Variants in NOVA1 observed in about 807,000 individuals in gnomAD.
The protein encoded by NOVA1 is NOVA alternative splicing regulator 1, also known as RNA-binding protein Nova-1.
NOVA1 carries 7 observed loss-of-function variants against 38.0 expected under a neutral mutation model. The ratio of observed to expected loss-of-function variants is 0.18; its 90% CI spans 0.10 to 0.35. The LOEUF (loss-of-function observed/expected upper bound fraction) is 0.35. Ranked by LOEUF, NOVA1 falls within the 10% of genes least tolerant of loss-of-function variation. The pLI is 1.00. For missense variants in NOVA1, 460 were observed against 616.0 expected (o/e 0.75, Z 2.68); for synonymous variants, 270 against 232.5 (o/e 1.16, Z -1.47).
chr14:26,455,041 C>A (rs999235126), intron 4 of NOVA1, among the ~76,000 whole-genome samples: 3 of 152,092 alleles, frequency 2.0e-5, no homozygotes, highest in Admixed American at 6.6e-5. Context: ...AAAATATGTA[C>A]AACAGATTTA....
intron 2 of NOVA1, among the ~76,000 whole-genome samples, chr14:26,557,797 C>A (rs547394737): frequency 6.6e-6 from 1 of 152,096 alleles, no homozygotes; most frequent in African/African-American, 2.4e-5. Flanking sequence ...TATGCCTACA[C>A]GAAAACTTGC....
intron 2 of NOVA1, among the ~76,000 whole-genome samples, chr14:26,554,438 A>AT: frequency 6.6e-6 from 1 of 152,262 alleles, no homozygotes; most frequent in Non-Finnish European, 1.5e-5. Context: ...CCAACACTCT[A>AT]TAATCTCCTA....
intron 1 of NOVA1, 83 bp downstream of exon 1, chr14:26,597,218 G>T: frequency 8.8e-7 from 1 of 1,133,726 alleles, no homozygotes; most frequent in Non-Finnish European, 1.1e-6. Context: ...AGGGAGGGAA[G>T]GAGGGAGGGA....
intron 2 of NOVA1, among the ~76,000 whole-genome samples, chr14:26,518,763 C>T (rs1429299548): frequency 2.6e-5 from 4 of 151,972 alleles, no homozygotes; most frequent in Non-Finnish European, 5.9e-5. Context: ...TTAGTTTCAA[C>T]TTTTATTTTA....
Position 26,448,125 on chromosome 14 carries a change from G to C in NOVA1, c.1358C>G (p.Ala453Gly). 6.2e-7 allele frequency: 1 copy of C among 1,614,138 alleles called. No individual in the cohort carries two copies. The highest frequency in any genetic ancestry group is 8.5e-7 in the Non-Finnish European group (1 of 1,180,014). The part of the protein sequence containing the change: ...TLVEYQELTG[A>G]RIQISKKGEF... ...TCCTTTTTTGGAGATCTGTATCCTT[G>C]CACCAGTCAACTCCTGGTATTCCAC... Residue 453 changes from alanine to glycine, a missense_variant, in exon 5 of 5, where the codon GCA (alanine) becomes GGA (glycine). Transcript: ENST00000539517. This position sits in a 1 kb window ranked among gnomAD's most constrained non-coding sequence, Gnocchi z 5.3.
intron 2 of NOVA1, among the ~76,000 whole-genome samples, chr14:26,527,184 A>G (rs1219271279): frequency 6.6e-6 from 1 of 152,188 alleles, no homozygotes; most frequent in Non-Finnish European, 1.5e-5. Context: ...AAAGTCTGTT[A>G]TATTTTCAAT....
intron 2 of NOVA1, among the ~76,000 whole-genome samples, chr14:26,582,434 C>T (rs1345061913): frequency 6.6e-6 from 1 of 151,716 alleles, no homozygotes; most frequent in Non-Finnish European, 1.5e-5. Context: ...AGCATTCTGT[C>T]ATAAAAGAAC....
intron 4 of NOVA1, among the ~76,000 whole-genome samples, chr14:26,456,677 A>T (rs1883205590): frequency 6.6e-6 from 1 of 151,886 alleles, no homozygotes. Flanking sequence ...GTATTCATCA[A>T]ATTTTGAAAT....
intron 2 of NOVA1, among the ~76,000 whole-genome samples, chr14:26,536,703 T>C (rs1890122729): frequency 6.6e-6 from 1 of 152,100 alleles, no homozygotes; most frequent in Admixed American, 6.6e-5. Context: ...AGAAAAGTTA[T>C]TTTAAGCAAA....
At chr14:26,531,069 T>C (rs192430807) in intron 2 of NOVA1, among the ~76,000 whole-genome samples, 14 of 152,212 alleles carry the variant, frequency 9.2e-5, no homozygotes, top group Admixed American at 2.6e-4. Context: ...TTACAAGGCA[T>C]GTTTTATTTG....
chr14:26,529,382 C>T (rs1237268434), intron 2 of NOVA1, among the ~76,000 whole-genome samples: 1 of 152,092 alleles, frequency 6.6e-6, no homozygotes, highest in Admixed American at 6.5e-5. Flanking sequence ...AGGTGATCTG[C>T]CCACTTCTGT....
chr14:26,522,766 T>C (rs528642330), intron 2 of NOVA1, among the ~76,000 whole-genome samples: 2 of 152,276 alleles, frequency 1.3e-5, no homozygotes, highest in Admixed American at 6.5e-5. Flanking sequence ...CTATTGATAC[T>C]ACTGGTTCAA....
At chr14:26,523,941 C>T (rs1889106354) in intron 2 of NOVA1, among the ~76,000 whole-genome samples, 1 of 151,960 alleles carries the variant, frequency 6.6e-6, no homozygotes, top group Admixed American at 6.6e-5. Flanking sequence ...TTAGTAGTGA[C>T]GGGGTTTCAC....
intron 2 of NOVA1, among the ~76,000 whole-genome samples, chr14:26,489,087 T>C (rs577756970): frequency 3.4e-4 from 51 of 152,138 alleles, no homozygotes; most frequent in Middle Eastern, 6.8e-3. Context: ...GAATCAGAGA[T>C]TGCTTACGAG....
chr14:26,463,076 T>A (rs972025731), intron 4 of NOVA1, among the ~76,000 whole-genome samples: 5 of 152,178 alleles, frequency 3.3e-5, no homozygotes, highest in African/African-American at 1.2e-4. Context: ...GGCTAGTTTA[T>A]GCAGATCTAA....
chr14:26,459,340 T>G (rs958737826), intron 4 of NOVA1, among the ~76,000 whole-genome samples: 2 of 152,130 alleles, frequency 1.3e-5, no homozygotes, highest in African/African-American at 4.8e-5. Context: ...GCCTACAGTA[T>G]TTAGTAAGGT....
intron 4 of NOVA1, among the ~76,000 whole-genome samples, chr14:26,469,215 G>T (rs1051164331): frequency 2.0e-5 from 3 of 152,030 alleles, no homozygotes; most frequent in Non-Finnish European, 4.4e-5. Context: ...TTCTTATAAC[G>T]TTTCTTCTTC....
rs1308984382 is a variant in NOVA1, at chr14:26,446,396, T to C, written c.*1563A>G. Reference sequence around the variant, plus strand: ...TTCAGACATGGAGCATCACACTCATTGTTCTTTAATTGGTTGCACAGAAAG... The same window carrying C: ...TTCAGACATGGAGCATCACACTCATCGTTCTTTAATTGGTTGCACAGAAAG... On this transcript the variant is annotated 3_prime_UTR_variant, in exon 5 of 5. Coordinates refer to ENST00000539517, the MANE Select transcript of NOVA1 (RefSeq NM_002515.3). 1.3e-5 allele frequency: 2 copies of C among 152,660 alleles called. No homozygotes were observed. The highest frequency in any genetic ancestry group is 2.9e-5 in the Non-Finnish European group (2 of 68,054). The allele number at this position is 152,660 out of a possible 1,614,324, so 9.5% of individuals were successfully genotyped here.
At chr14:26,464,271 T>C (rs1883938791) in intron 4 of NOVA1, among the ~76,000 whole-genome samples, 2 of 152,238 alleles carry the variant, frequency 1.3e-5, no homozygotes, top group Non-Finnish European at 1.5e-5. Context: ...CCTAGTGATG[T>C]AGCAGCCAAA....
Sources: gnomAD v4.1 joint callset for allele counts (sites outside exome capture counted in the v4.1 genomes callset) on GRCh38, gnomAD v4.1.1 for gene constraint, Gnocchi (gnomAD v3.1) non-coding constraint, MANE v1.5 for transcripts, NCBI Gene and HGNC (gene_info 2026-07-23, HGNC 2026-07-21) for gene names.